Variants in ATG2B observed in about 807,000 individuals in gnomAD.
ATG2B encodes autophagy-related protein 2 homolog B.
In ATG2B, 121 loss-of-function variants were observed where a neutral mutation model predicts 241.3. The observed-to-expected ratio is 0.50, with a 90% CI of 0.43 to 0.58. The LOEUF (loss-of-function observed/expected upper bound fraction) is 0.58. ATG2B is among the 20% of genes least tolerant of loss of function. The pLI is 0.00. For missense variants in ATG2B, 2,306 were observed against 2,491.6 expected (o/e 0.93, Z 1.59); for synonymous variants, 858 against 876.6 (o/e 0.98, Z 0.37).
chr14:96,304,373 C>T, intron 32 of ATG2B, 122 bp downstream of exon 32: 1 of 636,280 alleles, frequency 1.6e-6, no homozygotes. Context: ...ATACAAGATC[C>T]TTGCACTTTT....
At chr14:96,329,664 A>G (rs1391506832) in intron 11 of ATG2B, 30 bp from the exon 12 acceptor site, 2 of 1,430,242 alleles carry the variant, frequency 1.4e-6, no homozygotes, top group South Asian at 1.2e-5. Flanking sequence ...ATTTAAGATT[A>G]TTAGTGTTAA....
In ATG2B at chr14:96,293,853, T is replaced by TA. The variant is rs1309678004; in HGVS notation, c.5426+1106dup. On this transcript the variant is annotated intron_variant, in intron 36 of 41. Transcript: ENST00000359933. ...ATGGGTAACCCTACTTCCTCTGGGC[T>TA]AAAAAAAAAAGGCAAAATTCTTTGC... Among the ~76,000 whole-genome samples the TA allele has an allele frequency of 6.7e-3, 987 of 147,036 alleles. 12 individuals are homozygous for TA. The highest frequency in any genetic ancestry group is 0.021 in the African/African-American group (856 of 40,194).
In ATG2B at chr14:96,311,161, T is replaced by G; in HGVS notation, c.4117A>C (p.Asn1373His). 6.2e-7 allele frequency: 1 copy of G among 1,613,876 alleles called. No homozygotes were observed. Among genetic ancestry groups the G allele is most frequent in the East Asian group, 2.2e-5 (1 of 44,862 alleles). Reference sequence around the variant, plus strand: ...GCTCCAGGCTTCATATCTGCCTTGTTAGGTGTCTGCAAGTCACCATAGCTT... The same window carrying G: ...GCTCCAGGCTTCATATCTGCCTTGTGAGGTGTCTGCAAGTCACCATAGCTT... ...IASYGDLQTP[N>H]KADMKPGAFQ... The change falls in exon 28 of 42, where the codon AAC becomes CAC. Residue 1373 changes from asparagine to histidine, a missense_variant. Physicochemically the swap from Asn to His is moderately conservative, Grantham distance 68. This residue lies in a region of ATG2B where 1,927 missense variants were observed against 2,011.2 expected (regional missense o/e 0.96). Coordinates refer to ENST00000359933, the MANE Select transcript of ATG2B (RefSeq NM_018036.7).
At chr14:96,317,049 A>G in intron 20 of ATG2B, 96 bp downstream of exon 20, 2 of 1,223,582 alleles carry the variant, frequency 1.6e-6, no homozygotes, top group Admixed American at 4.7e-5. Flanking sequence ...AAACAACTTC[A>G]AAATATCAAA....
intron 5 of ATG2B, 100 bp downstream of exon 5, chr14:96,343,019 C>G: frequency 1.2e-6 from 1 of 801,418 alleles, no homozygotes; most frequent in Admixed American, 3.4e-5. Flanking sequence ...GACAGAGATT[C>G]ATTAAGACAT....
intron 38 of ATG2B, 92 bp downstream of exon 38, chr14:96,291,508 G>T: frequency 2.4e-6 from 2 of 834,516 alleles, no homozygotes; most frequent in Non-Finnish European, 3.9e-6. Context: ...CTGTAAAATT[G>T]TGTATGCATG....
intron 31 of ATG2B, 116 bp from the exon 32 acceptor site, chr14:96,304,719 T>C (rs984619642): frequency 8.2e-6 from 6 of 733,934 alleles, no homozygotes; most frequent in Non-Finnish European, 1.3e-5. Flanking sequence ...TACAGAGCTA[T>C]CAGAACGCTG....
Position 96,285,327 on chromosome 14 carries a change from G to A in ATG2B, c.*428C>T, listed in dbSNP as rs937518284. On this transcript the variant is annotated 3_prime_UTR_variant, in exon 42 of 42. Transcript: ENST00000359933. The surrounding 1 kb of genome is among the most constrained non-coding windows in gnomAD (Gnocchi z 4.2). ...TTATATTGAAAATCCTATTTGCTTT[G>A]CTTCCCCTGTGGCTTCTGTCTCTCA... The A allele has an allele frequency of 2.5e-5, 4 of 159,466 alleles. No homozygotes were observed. The highest frequency in any genetic ancestry group is 1.9e-4 in the South Asian group (1 of 5,302). 9.9% of individuals were successfully genotyped at this position (159,466 alleles called of 1,614,324 possible).
intron 29 of ATG2B, among the ~76,000 whole-genome samples, chr14:96,307,137 C>T (rs1259105258): frequency 6.6e-6 from 1 of 152,138 alleles, no homozygotes; most frequent in Non-Finnish European, 1.5e-5. Context: ...ATAGGCCAGG[C>T]ATGGTGGCTC....
intron 1 of ATG2B, among the ~76,000 whole-genome samples, chr14:96,349,349 T>A (rs1888254139): frequency 6.6e-6 from 1 of 152,236 alleles, no homozygotes. Context: ...AGCCTTGTAA[T>A]GCATGTTAAA....
chr14:96,307,829 T>C (rs977382160), intron 29 of ATG2B, among the ~76,000 whole-genome samples: 4 of 152,112 alleles, frequency 2.6e-5, no homozygotes, highest in African/African-American at 9.7e-5. Context: ...CGCAAAAGAT[T>C]ACATGTGCAC....
intron 1 of ATG2B, among the ~76,000 whole-genome samples, chr14:96,357,512 T>G (rs998809215): frequency 2.6e-5 from 4 of 152,120 alleles, no homozygotes; most frequent in Admixed American, 6.6e-5. Flanking sequence ...AAAATCAATA[T>G]AGTAAAACTT....
chr14:96,316,191 G>C (rs1887306366), intron 21 of ATG2B, among the ~76,000 whole-genome samples: 1 of 152,166 alleles, frequency 6.6e-6, no homozygotes, highest in African/African-American at 2.4e-5. Flanking sequence ...CGGAAGGGGT[G>C]AAAGTTTATC....
intron 36 of ATG2B, among the ~76,000 whole-genome samples, chr14:96,294,155 T>C (rs1048398502): frequency 9.2e-5 from 14 of 152,222 alleles, no homozygotes; most frequent in African/African-American, 3.4e-4. Flanking sequence ...CAATTAGTAA[T>C]ACTGCTGACT....
chr14:96,291,498 C>T (rs911428896), intron 38 of ATG2B, 102 bp downstream of exon 38: 1 of 729,744 alleles, frequency 1.4e-6, no homozygotes. Flanking sequence ...AAATAAAATA[C>T]TGTAAAATTG....
rs1887818308 is a variant in ATG2B, at chr14:96,334,433, C to T, written c.993G>A (p.Leu331=). The T allele has an allele frequency of 3.1e-6, 5 of 1,609,744 alleles. No individual in the cohort carries two copies. Among genetic ancestry groups the T allele is most frequent in the Non-Finnish European group, 4.2e-6 (5 of 1,178,386 alleles). The change falls in exon 7 of 42, where the codon TTG becomes TTA. Residue 331 remains leucine (L), a synonymous_variant. Coordinates refer to ENST00000359933, the MANE Select transcript of ATG2B (RefSeq NM_018036.7). ...GTCCAGCAATAGCTGCCAACATATC[C>T]AAAAGCAAGTGCACCTGTCTTGGTG... ...LLSPRQVHLL[L]DMLAAIAGPE...
intron 30 of ATG2B, 21 bp from the exon 31 acceptor site, chr14:96,305,836 A>T: frequency 6.3e-7 from 1 of 1,575,962 alleles, no homozygotes; most frequent in Non-Finnish European, 8.7e-7. Flanking sequence ...CAAACAGGTA[A>T]CACATACTCT....
chr14:96,328,295 C>A, intron 14 of ATG2B, 52 bp downstream of exon 14: 3 of 1,282,718 alleles, frequency 2.3e-6, no homozygotes. Context: ...TCTCAATAAC[C>A]CTATTAGCTA....
chr14:96,291,218 G>A (rs747910447), intron 38 of ATG2B, among the ~76,000 whole-genome samples: 7 of 152,006 alleles, frequency 4.6e-5, no homozygotes, highest in African/African-American at 1.2e-4. Flanking sequence ...CAGGTAATAC[G>A]TATTAGTGTG....
Sources: gnomAD v4.1 joint callset for allele counts (sites outside exome capture counted in the v4.1 genomes callset) on GRCh38, gnomAD v4.1.1 for gene constraint, gnomAD v4.1.1 regional missense constraint, Gnocchi (gnomAD v3.1) non-coding constraint, MANE v1.5 for transcripts, NCBI Gene and HGNC (gene_info 2026-07-23, HGNC 2026-07-21) for gene names.